ST8SIA1: variants seen among roughly 807,000 people sequenced by gnomAD.
ST8SIA1 encodes alpha-N-acetylneuraminide alpha-2,8-sialyltransferase.
ST8SIA1 carries 16 observed loss-of-function variants against 35.9 expected under a neutral mutation model. That is an observed-to-expected ratio of 0.45 (90% CI 0.30 to 0.68). The LOEUF (loss-of-function observed/expected upper bound fraction) is 0.68. Among genes scored for constraint, ST8SIA1 ranks in the 30% least tolerant of loss-of-function variants. ST8SIA1 has a pLI of 0.09. For missense variants in ST8SIA1, 383 were observed against 453.6 expected, an observed-to-expected ratio of 0.84 and a Z score of 1.41; for synonymous variants, 170 against 169.6, an observed-to-expected ratio of 1.00 and a Z score of -0.02.
intron 4 of ST8SIA1, among the ~76,000 whole-genome samples, chr12:22,233,951 T>C (rs1865447122): frequency 6.6e-6 from 1 of 152,284 alleles, no homozygotes; most frequent in Admixed American, 6.5e-5. Flanking sequence ...AAACAAATTA[T>C]ATTTTATCAA....
intron 1 of ST8SIA1, among the ~76,000 whole-genome samples, chr12:22,310,611 A>C (rs1866437723): frequency 1.3e-5 from 2 of 152,228 alleles, no homozygotes; most frequent in Admixed American, 1.3e-4. Context: ...ATTTCAAAAA[A>C]TGTTTAAGGC....
chr12:22,204,872 G>A (rs2120616399), intron 4 of ST8SIA1, among the ~76,000 whole-genome samples: 1 of 152,234 alleles, frequency 6.6e-6, no homozygotes, highest in Non-Finnish European at 1.5e-5. Flanking sequence ...AATGGGGTTG[G>A]TATTGAATTT....
chr12:22,322,391 T>C (rs1001446346), intron 1 of ST8SIA1, among the ~76,000 whole-genome samples: 8 of 152,198 alleles, frequency 5.3e-5, no homozygotes, highest in African/African-American at 1.9e-4. Context: ...GAATATATAT[T>C]TGTTGAATAA....
intron 1 of ST8SIA1, among the ~76,000 whole-genome samples, chr12:22,295,139 A>T (rs1160376809): frequency 6.6e-6 from 1 of 152,154 alleles, no homozygotes; most frequent in African/African-American, 2.4e-5. Context: ...AAACAAAATA[A>T]ATAATTTACT....
intron 2 of ST8SIA1, among the ~76,000 whole-genome samples, chr12:22,256,743 T>C (rs1285913849): frequency 6.6e-6 from 1 of 152,160 alleles, no homozygotes; most frequent in Non-Finnish European, 1.5e-5. Context: ...TATGGAAATA[T>C]TGTTGATAAA....
intron 4 of ST8SIA1, among the ~76,000 whole-genome samples, chr12:22,240,777 A>C (rs915579573): frequency 1.9e-4 from 29 of 152,314 alleles, no homozygotes; most frequent in African/African-American, 5.5e-4. Flanking sequence ...ACTTAGAGGC[A>C]CTAACCATTG....
intron 4 of ST8SIA1, among the ~76,000 whole-genome samples, chr12:22,204,241 T>G (rs1455167161): frequency 6.6e-6 from 1 of 152,206 alleles, no homozygotes; most frequent in Non-Finnish European, 1.5e-5. Flanking sequence ...TAAATACGGT[T>G]AGAACTTTCC....
intron 2 of ST8SIA1, among the ~76,000 whole-genome samples, chr12:22,286,169 T>A (rs563894985): frequency 5.1e-4 from 78 of 152,334 alleles, no homozygotes; most frequent in Non-Finnish European, 1.0e-3. Flanking sequence ...CTTCTACTTC[T>A]TATTTCAAAA....
At chr12:22,281,945 C>G (rs1240798224) in intron 2 of ST8SIA1, among the ~76,000 whole-genome samples, 2 of 152,026 alleles carry the variant, frequency 1.3e-5, no homozygotes, top group South Asian at 2.1e-4. Context: ...AAGGTGGAGG[C>G]TTGCAGTGAG....
intron 1 of ST8SIA1, among the ~76,000 whole-genome samples, chr12:22,312,439 T>G (rs1866461387): frequency 6.6e-6 from 1 of 152,184 alleles, no homozygotes; most frequent in South Asian, 2.1e-4. Context: ...CCAAGGATTC[T>G]CATTCAACAT....
intron 3 of ST8SIA1, among the ~76,000 whole-genome samples, chr12:22,252,293 T>TAG (rs1865680489): frequency 6.6e-6 from 1 of 152,222 alleles, no homozygotes; most frequent in South Asian, 2.1e-4. Context: ...CCCTACAGTC[T>TAG]AGGACCAGAC....
intron 2 of ST8SIA1, among the ~76,000 whole-genome samples, chr12:22,283,763 C>T (rs984409753): frequency 1.3e-5 from 2 of 152,132 alleles, no homozygotes; most frequent in African/African-American, 4.8e-5. Context: ...CAGACAGGAA[C>T]GCCCTTGACA....
intron 4 of ST8SIA1, among the ~76,000 whole-genome samples, chr12:22,224,705 C>T (rs1192525077): frequency 6.6e-6 from 1 of 152,144 alleles, no homozygotes; most frequent in East Asian, 1.9e-4. Flanking sequence ...TTTCTGCCAG[C>T]AGAAAGTACT....
intron 4 of ST8SIA1, among the ~76,000 whole-genome samples, chr12:22,222,288 T>A (rs1319597978): frequency 6.6e-6 from 1 of 152,154 alleles, no homozygotes; most frequent in Non-Finnish European, 1.5e-5. Flanking sequence ...CTAGATCACA[T>A]GCTAAGTTGG....
intron 4 of ST8SIA1, among the ~76,000 whole-genome samples, chr12:22,206,944 G>A (rs1290014510): frequency 6.6e-6 from 1 of 152,164 alleles, no homozygotes; most frequent in Non-Finnish European, 1.5e-5. Flanking sequence ...AAGGCATTTA[G>A]GTAATAAGAA....
intron 4 of ST8SIA1, among the ~76,000 whole-genome samples, chr12:22,232,749 G>A (rs1865434007): frequency 6.6e-6 from 1 of 152,156 alleles, no homozygotes; most frequent in Admixed American, 6.5e-5. Flanking sequence ...TGAGGCAGGA[G>A]AATGGTTTGA....
At position 22,304,469 on chromosome 12, in the gene ST8SIA1, A is replaced by C. The variant is rs187639031; in HGVS notation, c.237-17176T>G. Among the ~76,000 whole-genome samples, 1,189 of 151,906 alleles carry C rather than the reference A, an allele frequency of 7.8e-3. 13 individuals carry two copies. Among genetic ancestry groups the C allele is most frequent in the African/African-American group, 0.027 (1,132 of 41,440 alleles). Reference sequence around the variant, plus strand: ...AATGAGGAACCTAAAATAGTTTATAACAGCCTTAAAGAAAACAGAGAAAGT... The same window carrying C: ...AATGAGGAACCTAAAATAGTTTATACCAGCCTTAAAGAAAACAGAGAAAGT... On this transcript the variant is annotated intron_variant, in intron 1 of 4. Coordinates refer to ENST00000396037, the MANE Select transcript of ST8SIA1 (RefSeq NM_003034.4).
intron 4 of ST8SIA1, among the ~76,000 whole-genome samples, chr12:22,236,647 C>A (rs1865478989): frequency 6.6e-6 from 1 of 152,198 alleles, no homozygotes; most frequent in South Asian, 2.1e-4. Flanking sequence ...TGTTTCTCCA[C>A]TGGGTGCAAC....
intron 1 of ST8SIA1, among the ~76,000 whole-genome samples, chr12:22,320,221 C>T (rs1453833845): frequency 1.3e-5 from 2 of 152,152 alleles, no homozygotes; most frequent in African/African-American, 2.4e-5. Flanking sequence ...AATAACTAAG[C>T]TTCATGAAGG....
Sources: allele counts gnomAD v4.1 joint callset (sites outside exome capture counted in the v4.1 genomes callset), GRCh38; gene constraint gnomAD v4.1.1; transcripts MANE v1.5; gene names NCBI Gene and HGNC (gene_info 2026-07-23, HGNC 2026-07-21).